The following ZDHHC17 variants were observed in gnomAD, a reference collection of about 807,000 sequenced individuals.
The protein encoded by ZDHHC17 is palmitoyltransferase ZDHHC17.
In ZDHHC17, 40 loss-of-function variants were observed where a neutral mutation model predicts 90.3. The observed-to-expected ratio is 0.44, with a 90% CI of 0.34 to 0.58. ZDHHC17 has a LOEUF of 0.58. Ranked by LOEUF, ZDHHC17 falls within the 20% of genes least tolerant of loss-of-function variation. The probability of loss-of-function intolerance (pLI) is 0.01; values close to 1 mark genes in which losing one functional copy is unlikely to be tolerated. For missense variants in ZDHHC17, 614 were observed against 780.8 expected, an observed-to-expected ratio of 0.79 and a Z score of 2.55; for synonymous variants, 235 against 252.4, an observed-to-expected ratio of 0.93 and a Z score of 0.65.
intron 4 of ZDHHC17, 107 bp downstream of exon 4, chr12:76,809,227 CGTTA>C: frequency 1.5e-6 from 1 of 653,318 alleles, no homozygotes. Flanking sequence ...CTTATTATGC[CGTTA>C]GTTAATATCA....
chr12:76,823,830 TA>T (rs1232063700), intron 8 of ZDHHC17, among the ~76,000 whole-genome samples: 2 of 152,178 alleles, frequency 1.3e-5, no homozygotes, highest in Non-Finnish European at 2.9e-5. Context: ...TTCAGCCCTA[TA>T]AGCTGAGACT....
intron 1 of ZDHHC17, among the ~76,000 whole-genome samples, chr12:76,782,304 C>G (rs915708030): frequency 4.6e-5 from 7 of 152,096 alleles, no homozygotes; most frequent in Admixed American, 1.3e-4. Context: ...TGGAATGTTA[C>G]CTGAGTAAAG....
At chr12:76,797,640 C>G in intron 2 of ZDHHC17, 103 bp downstream of exon 2, 1 of 890,892 alleles carries the variant, frequency 1.1e-6, no homozygotes, top group Non-Finnish European at 1.6e-6. Flanking sequence ...CAGTATATCT[C>G]AATTAAAAAA....
At chr12:76,764,508 C>CG in intron 1 of ZDHHC17, 179 bp downstream of exon 1, 1 of 613,098 alleles carries the variant, frequency 1.6e-6, no homozygotes, top group Admixed American at 3.0e-5. Context: ...GAGGAGATAG[C>CG]GGGGCGGGCC....
intron 16 of ZDHHC17, among the ~76,000 whole-genome samples, chr12:76,850,458 T>TC (rs1183904746): frequency 1.3e-5 from 2 of 152,130 alleles, no homozygotes; most frequent in Non-Finnish European, 2.9e-5. Context: ...TTGGTGCATG[T>TC]CTGTAGTCCT....
chr12:76,815,220 G>A lies in ZDHHC17; in HGVS notation c.608+10G>A. ...CATATAGAACACATAGGTATGTAAT[G>A]ACTATAAAAAACTTATTTAGGCCAT... On this transcript the variant is annotated intron_variant, in intron 6 of 16. Transcript: ENST00000426126. 1 of 1,538,194 alleles carries A rather than the reference G, an allele frequency of 6.5e-7. No individual in the cohort carries two copies. The highest frequency in any genetic ancestry group is 8.8e-7 in the Non-Finnish European group (1 of 1,138,802).
intron 1 of ZDHHC17, among the ~76,000 whole-genome samples, chr12:76,779,062 A>C (rs1169527529): frequency 6.6e-6 from 1 of 152,194 alleles, no homozygotes; most frequent in Non-Finnish European, 1.5e-5. Flanking sequence ...CCTAGCTCCA[A>C]ATACAGTCTG....
intron 10 of ZDHHC17, among the ~76,000 whole-genome samples, chr12:76,841,276 C>G (rs1953431316): frequency 6.6e-6 from 1 of 152,120 alleles, no homozygotes; most frequent in South Asian, 2.1e-4. Context: ...ATGATAATGT[C>G]AAAAAGTCTT....
chr12:76,778,858 A>G (rs1314358668), intron 1 of ZDHHC17, among the ~76,000 whole-genome samples: 1 of 152,160 alleles, frequency 6.6e-6, no homozygotes, highest in Admixed American at 6.5e-5. Context: ...TTTTTTCTCC[A>G]GTTTTGGAGG....
chr12:76,836,366 G>T (rs146631656), intron 10 of ZDHHC17, among the ~76,000 whole-genome samples: 2 of 151,500 alleles, frequency 1.3e-5, no homozygotes, highest in South Asian at 2.1e-4. Context: ...TTAGTGATTT[G>T]TCCATTTCTT....
rs139315086 is a variant in ZDHHC17 at position 76,780,208 on chromosome 12, T to C, written c.93+15879T>C. 3.9e-4 allele frequency among the ~76,000 whole-genome samples: 60 copies of C among 152,344 alleles called. No individual in the cohort carries two copies. The East Asian group carries it at 0.011, about 29-fold the overall frequency. ...CTGGGATTCTGATATTAAATTTATA[T>C]ATCAATTGGAGAATTGACAGTTTTT... On this transcript the variant is annotated intron_variant, in intron 1 of 16. Transcript: ENST00000426126.
chr12:76,828,264 C>T, intron 9 of ZDHHC17, 126 bp from the exon 10 acceptor site: 2 of 750,026 alleles, frequency 2.7e-6, no homozygotes, highest in Non-Finnish European at 4.0e-6. Context: ...AATTGAGCAT[C>T]CTGAACTCTG....
rs1156565690 is a variant in ZDHHC17 at position 76,851,453 on chromosome 12, T to C, written c.*468T>C. ...GTTGATTGACTAGTTATTATGTACA[T>C]TTCAGAATGTACACATAAATACTGT... On this transcript the variant is annotated 3_prime_UTR_variant, in exon 17 of 17. Coordinates refer to ENST00000426126, the MANE Select transcript of ZDHHC17 (RefSeq NM_015336.4). The C allele has an allele frequency of 6.1e-6, 1 of 163,396 alleles. No homozygotes were observed. Among genetic ancestry groups the C allele is most frequent in the Non-Finnish European group, 1.3e-5 (1 of 75,826 alleles). 10.1% of individuals were successfully genotyped at this position (163,396 alleles called of 1,614,324 possible). A position where few individuals can be genotyped will look rare whatever the true frequency, so the allele number is the denominator to read the frequency against.
intron 1 of ZDHHC17, among the ~76,000 whole-genome samples, chr12:76,784,334 A>C (rs1243787545): frequency 1.3e-5 from 2 of 152,216 alleles, no homozygotes; most frequent in Non-Finnish European, 2.9e-5. Context: ...GAATTCTACT[A>C]AAATTGAAAC....
chr12:76,794,975 G>A (rs986110708), intron 1 of ZDHHC17, among the ~76,000 whole-genome samples: 2 of 152,104 alleles, frequency 1.3e-5, no homozygotes, highest in African/African-American at 2.4e-5. Context: ...TTACCTTTTG[G>A]ATATTATGTT....
At chr12:76,775,573 T>C (rs149375307) in intron 1 of ZDHHC17, among the ~76,000 whole-genome samples, 300 of 152,338 alleles carry the variant, frequency 2.0e-3, no homozygotes, top group Middle Eastern at 3.4e-3. Context: ...CTTCAATTAG[T>C]AGAAGTAAAA....
chr12:76,850,679 A>G (rs538182007), intron 16 of ZDHHC17, among the ~76,000 whole-genome samples, 168 bp from the exon 17 acceptor site: 2 of 152,368 alleles, frequency 1.3e-5, no homozygotes, highest in East Asian at 3.9e-4. Context: ...CAGTGGAGAA[A>G]CATGAAGGCA....
At chr12:76,787,288 G>A (rs920736289) in intron 1 of ZDHHC17, among the ~76,000 whole-genome samples, 1 of 152,030 alleles carries the variant, frequency 6.6e-6, no homozygotes, top group Non-Finnish European at 1.5e-5. Context: ...AAATAATACT[G>A]GTCATAATCT....
chr12:76,825,725 A>G (rs1035851373), intron 8 of ZDHHC17, among the ~76,000 whole-genome samples: 1 of 152,146 alleles, frequency 6.6e-6, no homozygotes, highest in Non-Finnish European at 1.5e-5. Context: ...ATAGTATGAA[A>G]GGGGTGCTAA....
Sources: gnomAD v4.1 joint callset for allele counts (sites outside exome capture counted in the v4.1 genomes callset) on GRCh38, gnomAD v4.1.1 for gene constraint, MANE v1.5 for transcripts, NCBI Gene and HGNC (gene_info 2026-07-23, HGNC 2026-07-21) for gene names.